LUZP2: variants seen among roughly 807,000 people sequenced by gnomAD.
LUZP2 encodes leucine zipper protein 2.
LUZP2 carries 52 observed loss-of-function variants against 51.6 expected under a neutral mutation model. The observed-to-expected ratio is 1.01, with a 90% CI of 0.81 to 1.27. The LOEUF (loss-of-function observed/expected upper bound fraction) is 1.27, where lower values mean the gene tolerates loss of function less well. Ranked by LOEUF, LUZP2 falls within the 50% of genes most tolerant of loss-of-function variation. LUZP2 has a pLI of 0.00. For synonymous variants in LUZP2, 154 were observed against 137.3 expected (o/e 1.12, Z -0.85); for missense variants, 436 against 395.4 (o/e 1.10, Z -0.87).
Position 24,699,234 on chromosome 11 carries a change from C to T in LUZP2, c.63-29935C>T, listed in dbSNP as rs76492071. 7.8e-4 allele frequency among the ~76,000 whole-genome samples: 118 copies of T among 152,184 alleles called. 2 individuals carry two copies. The South Asian group carries it at 0.014, about 18-fold the overall frequency. On this transcript the variant is annotated intron_variant, in intron 1 of 11. Coordinates refer to ENST00000336930, the MANE Select transcript of LUZP2 (RefSeq NM_001009909.4). ...AGTGATTTAACCTTTCTTCCACCCACGCTTCACCATAAATTTTATGTTTGT... is the reference window on the plus strand; with the variant it reads ...AGTGATTTAACCTTTCTTCCACCCATGCTTCACCATAAATTTTATGTTTGT...
intron 7 of LUZP2, among the ~76,000 whole-genome samples, chr11:24,924,918 C>T (rs1854182218): frequency 6.6e-6 from 1 of 151,936 alleles, no homozygotes; most frequent in South Asian, 2.1e-4. Context: ...CAGATGAAGC[C>T]TCTATGTAGC....
At chr11:24,718,422 G>A (rs1858138405) in intron 1 of LUZP2, among the ~76,000 whole-genome samples, 1 of 152,210 alleles carries the variant, frequency 6.6e-6, no homozygotes, top group Non-Finnish European at 1.5e-5. Flanking sequence ...TAATCATTAT[G>A]AGACAAAGAG....
At chr11:24,669,154 T>G (rs1001746702) in intron 1 of LUZP2, among the ~76,000 whole-genome samples, 3 of 152,174 alleles carry the variant, frequency 2.0e-5, no homozygotes, top group African/African-American at 4.8e-5. Flanking sequence ...GGAAAAATGT[T>G]CTTTTTACTT....
intron 9 of LUZP2, among the ~76,000 whole-genome samples, chr11:25,016,677 A>G (rs1857168467): frequency 6.6e-6 from 1 of 151,928 alleles, no homozygotes; most frequent in Non-Finnish European, 1.5e-5. Flanking sequence ...TTATCAGTTG[A>G]TGTTCACTTA....
At chr11:24,893,822 C>T (rs1029366521) in intron 5 of LUZP2, among the ~76,000 whole-genome samples, 2 of 151,280 alleles carry the variant, frequency 1.3e-5, no homozygotes, top group African/African-American at 4.9e-5. Flanking sequence ...TTATTTTTTA[C>T]AATTTTGATC....
At chr11:24,731,707 A>C (rs574636949) in intron 2 of LUZP2, among the ~76,000 whole-genome samples, 2 of 151,838 alleles carry the variant, frequency 1.3e-5, no homozygotes, top group South Asian at 4.1e-4. Context: ...TTTAATCTTG[A>C]ATTGTGTTAT....
chr11:24,704,850 C>G (rs1857527414), intron 1 of LUZP2, among the ~76,000 whole-genome samples: 1 of 152,100 alleles, frequency 6.6e-6, no homozygotes, highest in African/African-American at 2.4e-5. Flanking sequence ...TATGACTTAT[C>G]TATAGTCCCA....
rs541780238 is a variant in LUZP2 at position 24,820,142 on chromosome 11, G to A, written c.396+56834G>A. ...AAAAAAATATTTGAAATAAAGTGTG[G>A]AAATTGTTATAATAGGTGAACGCAT... On this transcript the variant is annotated intron_variant, in intron 5 of 11. Transcript: ENST00000336930. 1.1e-4 allele frequency among the ~76,000 whole-genome samples: 16 copies of A among 152,216 alleles called. 1 individual carries two copies. In the South Asian group the frequency reaches 3.3e-3, roughly 32 times the overall value.
intron 5 of LUZP2, among the ~76,000 whole-genome samples, chr11:24,845,292 G>A (rs1851166291): frequency 6.6e-6 from 1 of 152,138 alleles, no homozygotes; most frequent in African/African-American, 2.4e-5. Flanking sequence ...CTGCCCTGCT[G>A]GATTTCAGAT....
chr11:24,974,905 T>C (rs1323772198), intron 7 of LUZP2, among the ~76,000 whole-genome samples: 4 of 152,054 alleles, frequency 2.6e-5, no homozygotes, highest in African/African-American at 7.2e-5. Flanking sequence ...GTAAAACATA[T>C]GATTTTTAAA....
chr11:24,585,050 G>A (rs1853013547), intron 1 of LUZP2, among the ~76,000 whole-genome samples: 1 of 152,238 alleles, frequency 6.6e-6, no homozygotes, highest in East Asian at 1.9e-4. Flanking sequence ...GATAGGGCCT[G>A]GGTGTGGAGG....
chr11:24,660,826 A>G (rs1855995706), intron 1 of LUZP2, among the ~76,000 whole-genome samples: 1 of 152,146 alleles, frequency 6.6e-6, no homozygotes, highest in Admixed American at 6.6e-5. Flanking sequence ...GACCACTTTC[A>G]TAAAACAATG....
intron 1 of LUZP2, among the ~76,000 whole-genome samples, chr11:24,558,971 G>T (rs1851952625): frequency 6.6e-6 from 1 of 152,092 alleles, no homozygotes; most frequent in Non-Finnish European, 1.5e-5. Context: ...AGCAGAAATG[G>T]ACTGAGACGG....
intron 10 of LUZP2, among the ~76,000 whole-genome samples, chr11:25,064,567 A>G (rs1181199925): frequency 2.6e-5 from 4 of 152,094 alleles, no homozygotes; most frequent in Non-Finnish European, 5.9e-5. Context: ...AAATTAGCAT[A>G]CCTACTCTAT....
At chr11:25,062,587 C>CAAAAA (rs1163708322) in intron 10 of LUZP2, among the ~76,000 whole-genome samples, 81 of 42,888 alleles carry the variant, frequency 1.9e-3, no homozygotes, top group East Asian at 3.9e-3. Flanking sequence ...AAGACCCTGT[C>CAAAAA]AAAAAAAAAA....
At chr11:25,023,532 T>C (rs922519250) in intron 9 of LUZP2, among the ~76,000 whole-genome samples, 7 of 152,132 alleles carry the variant, frequency 4.6e-5, no homozygotes, top group Non-Finnish European at 8.8e-5. Context: ...TTCCTCTCTC[T>C]TTTCTTCTTT....
chr11:24,917,948 T>C (rs767539865), intron 7 of LUZP2, among the ~76,000 whole-genome samples: 4 of 152,124 alleles, frequency 2.6e-5, no homozygotes, highest in Admixed American at 6.6e-5. Context: ...TTCATGATAT[T>C]GATTCTTCCT....
At chr11:25,023,441 T>C (rs150663015) in intron 9 of LUZP2, among the ~76,000 whole-genome samples, 158 of 152,294 alleles carry the variant, frequency 1.0e-3, no homozygotes, top group African/African-American at 3.5e-3. Flanking sequence ...GAGATATTTA[T>C]AGTATACTCT....
intron 5 of LUZP2, among the ~76,000 whole-genome samples, chr11:24,773,124 G>C (rs1191183359): frequency 6.7e-6 from 1 of 149,490 alleles, no homozygotes; most frequent in East Asian, 2.0e-4. Context: ...CATTTTATTA[G>C]GTATAAATCT....
Sources: gnomAD v4.1 joint callset for allele counts (sites outside exome capture counted in the v4.1 genomes callset) on GRCh38, gnomAD v4.1.1 for gene constraint, MANE v1.5 for transcripts, NCBI Gene and HGNC (gene_info 2026-07-23, HGNC 2026-07-21) for gene names.